The following RYR2 variants were observed in gnomAD, a reference collection of about 807,000 sequenced individuals.
RYR2 encodes the protein ryanodine receptor 2.
In RYR2, 227 loss-of-function variants were observed where a neutral mutation model predicts 601.1. That is an observed-to-expected ratio of 0.38 (90% confidence interval 0.34 to 0.42). The LOEUF (loss-of-function observed/expected upper bound fraction) is 0.42, where lower values mean the gene tolerates loss of function less well. Among genes scored for constraint, RYR2 ranks in the 10% least tolerant of loss-of-function variants. The probability of loss-of-function intolerance (pLI) is 1.00; values close to 1 mark genes in which losing one functional copy is unlikely to be tolerated. For missense variants in RYR2, 4,646 were observed against 6,156.5 expected (o/e 0.75, Z 8.21); for synonymous variants, 2,223 against 2,175.1 (o/e 1.02, Z -0.61).
Position 237,610,925 on chromosome 1 carries a change from G to A in RYR2, c.4847G>A (p.Gly1616Asp), listed in dbSNP as rs1295709441. 4 of 1,613,408 alleles carry A rather than the reference G, an allele frequency of 2.5e-6. No individual in the cohort carries two copies. Among genetic ancestry groups the A allele is most frequent in the Non-Finnish European group, 3.4e-6 (4 of 1,179,752 alleles). ...VDVSRISERQ[G>D]WLVQCLDPLQ... The stretch of plus-strand genomic sequence containing the variant: ...GTGTCTCGAATAAGTGAACGCCAAG[G>A]CTGGTTGGTGCAGTGTTTGGATCCT... The change falls in exon 36 of 105, where the codon GGC (glycine) becomes GAC (aspartate). Residue 1616 changes from glycine (G) to aspartate (D), a missense_variant. Physicochemically the swap from Gly to Asp is moderately conservative, Grantham distance 94 (BLOSUM62 -1). Around this residue, in one of 17 missense-constraint regions of RYR2, gnomAD observed 1,807 missense variants for 2,088.1 expected, o/e 0.87. Transcript: ENST00000366574. This position sits in a 1 kb window ranked among gnomAD's most constrained non-coding sequence, Gnocchi z 4.9.
At chr1:237,156,924 C>A (rs1024272) in intron 1 of RYR2, among the ~76,000 whole-genome samples, 84,226 of 151,982 alleles carry the variant, frequency 0.55, 24,411 homozygotes, top group Non-Finnish European at 0.64. Context: ...GGAATGCTTG[C>A]GCACTGTTGG....
At chr1:237,750,005 G>T (rs1291933141) in intron 80 of RYR2, among the ~76,000 whole-genome samples, 1 of 152,104 alleles carries the variant, frequency 6.6e-6, no homozygotes, top group Non-Finnish European at 1.5e-5. Context: ...AATTAGCTGG[G>T]CATGGTGGCG....
chr1:237,537,850 A>T (rs567480092), intron 25 of RYR2, among the ~76,000 whole-genome samples: 4 of 152,228 alleles, frequency 2.6e-5, no homozygotes, highest in Non-Finnish European at 5.9e-5. Context: ...CACTATAAAA[A>T]TCATGTCTAG....
intron 16 of RYR2, among the ~76,000 whole-genome samples, chr1:237,465,990 T>C (rs973020514): frequency 2.2e-4 from 34 of 152,316 alleles, no homozygotes; most frequent in African/African-American, 8.2e-4. Flanking sequence ...CGAAAAAGCT[T>C]TTGGTCTTTG....
intron 1 of RYR2, among the ~76,000 whole-genome samples, chr1:237,243,642 T>TG (rs1028225577): frequency 3.3e-5 from 5 of 152,088 alleles, no homozygotes; most frequent in Non-Finnish European, 7.4e-5. Context: ...GGACCCTATC[T>TG]GGGGAGGGTC....
chr1:237,388,716 A>G (rs1702139087), intron 10 of RYR2, among the ~76,000 whole-genome samples: 1 of 152,200 alleles, frequency 6.6e-6, no homozygotes, highest in Non-Finnish European at 1.5e-5. Context: ...GTATGAATCT[A>G]CTGAGAAAAG....
Position 237,700,450 on chromosome 1 carries a change from T to A in RYR2, c.9350T>A (p.Phe3117Tyr). 1.3e-6 allele frequency: 2 copies of A among 1,571,440 alleles called. No homozygotes were observed. The highest frequency in any genetic ancestry group is 1.7e-6 in the Non-Finnish European group (2 of 1,144,646). The part of the protein sequence containing the change: ...SLFEHIGQHQ[F>Y]GEDLILEDVQ... The stretch of plus-strand genomic sequence containing the variant: ...TTTGAACATATTGGCCAGCATCAGT[T>A]CGGAGAAGACCTAATATGTATGTAA... The change falls in exon 65 of 105, where the codon TTC (phenylalanine) becomes TAC (tyrosine). Residue 3117 changes from phenylalanine (F) to tyrosine (Y), a missense_variant. Physicochemically the swap from Phe to Tyr is conservative, Grantham distance 22. Around this residue, in one of 17 missense-constraint regions of RYR2, gnomAD observed 1,497 missense variants for 1,842.6 expected, o/e 0.81. Coordinates refer to ENST00000366574, the MANE Select transcript of RYR2 (RefSeq NM_001035.3).
chr1:237,053,780 C>T (rs572990856), intron 1 of RYR2, among the ~76,000 whole-genome samples: 1 of 152,020 alleles, frequency 6.6e-6, no homozygotes, highest in East Asian at 1.9e-4. Context: ...ATCAGAAAAC[C>T]GTCAGAGGAA....
chr1:237,500,362 T>C (rs1000975388), intron 20 of RYR2, among the ~76,000 whole-genome samples: 1 of 152,142 alleles, frequency 6.6e-6, no homozygotes, highest in Admixed American at 6.5e-5. Context: ...TTACAAGTAG[T>C]AGATGGTAAG....
At chr1:237,342,364 G>T (rs1697895444) in intron 3 of RYR2, among the ~76,000 whole-genome samples, 1 of 147,966 alleles carries the variant, frequency 6.8e-6, no homozygotes, top group Admixed American at 6.8e-5. Flanking sequence ...ATATTGCCCA[G>T]GCTGTCCTTG....
chr1:237,501,965 AC>A (rs954725686), intron 21 of RYR2, among the ~76,000 whole-genome samples: 2 of 151,920 alleles, frequency 1.3e-5, no homozygotes, highest in African/African-American at 4.8e-5. Flanking sequence ...ACACAGTGAG[AC>A]CCTATCTCTG....
chr1:237,763,893 A>C (rs568067783), intron 84 of RYR2, among the ~76,000 whole-genome samples: 1 of 152,218 alleles, frequency 6.6e-6, no homozygotes, highest in Non-Finnish European at 1.5e-5. Context: ...AAAAGCCTAC[A>C]TACACTCACA....
intron 98 of RYR2, 58 bp from the exon 99 acceptor site, chr1:237,806,079 A>G (rs1269017800): frequency 1.5e-5 from 22 of 1,505,314 alleles, no homozygotes; most frequent in Non-Finnish European, 1.8e-5. Flanking sequence ...TTAACCCATA[A>G]CAATAGTCAT....
intron 42 of RYR2, among the ~76,000 whole-genome samples, chr1:237,632,761 T>TA (rs11296724): frequency 2.0e-5 from 3 of 151,636 alleles, no homozygotes; most frequent in Non-Finnish European, 4.4e-5. Flanking sequence ...AATAGTATAA[T>TA]AAAAAAAAAC....
chr1:237,246,449 G>C (rs1369341297), intron 1 of RYR2, among the ~76,000 whole-genome samples: 1 of 152,078 alleles, frequency 6.6e-6, no homozygotes, highest in African/African-American at 2.4e-5. Context: ...CAGCATTATT[G>C]AATTAGCTGG....
intron 1 of RYR2, among the ~76,000 whole-genome samples, chr1:237,055,617 C>T (rs1160068206): frequency 6.6e-6 from 1 of 151,994 alleles, no homozygotes. Flanking sequence ...TGGTGTTGGT[C>T]ATATGGAAAT....
intron 51 of RYR2, among the ~76,000 whole-genome samples, chr1:237,652,339 G>T (rs1243397408): frequency 6.6e-6 from 1 of 152,068 alleles, no homozygotes; most frequent in Non-Finnish European, 1.5e-5. Context: ...ACTGAGTTGG[G>T]AATGTTTTCT....
chr1:237,680,739 A>G (rs1365733760), intron 62 of RYR2, among the ~76,000 whole-genome samples, 162 bp downstream of exon 62: 3 of 152,170 alleles, frequency 2.0e-5, no homozygotes, highest in Non-Finnish European at 4.4e-5. Context: ...AGTTTCTACA[A>G]GTTTGGATAT....
At chr1:237,065,588 T>C (rs1445940171) in intron 1 of RYR2, among the ~76,000 whole-genome samples, 1 of 152,076 alleles carries the variant, frequency 6.6e-6, no homozygotes, top group Non-Finnish European at 1.5e-5. Flanking sequence ...CCTGGCCTGC[T>C]ATCCTTTTAT....
Sources: allele counts gnomAD v4.1 joint callset (sites outside exome capture counted in the v4.1 genomes callset), GRCh38; gene constraint gnomAD v4.1.1; regional missense constraint gnomAD v4.1.1; non-coding constraint Gnocchi (gnomAD v3.1); transcripts MANE v1.5; gene names NCBI Gene and HGNC (gene_info 2026-07-23, HGNC 2026-07-21).